PLS1: variants seen among roughly 807,000 people sequenced by gnomAD.
PLS1 encodes the protein plastin 1.
Under a neutral mutation model 73.7 loss-of-function variants are expected in PLS1, and 32 were observed. The observed-to-expected ratio is 0.43, with a 90% CI of 0.33 to 0.58. The LOEUF is 0.58. PLS1 is among the 20% of genes least tolerant of loss of function. The pLI is 0.04. For synonymous variants in PLS1, 217 were observed against 261.3 expected (o/e 0.83, Z 1.63); for missense variants, 633 against 740.5 (o/e 0.85, Z 1.68).
At chr3:142,690,739 G>A (rs892611644) in intron 10 of PLS1, among the ~76,000 whole-genome samples, 1 of 152,094 alleles carries the variant, frequency 6.6e-6, no homozygotes, top group Non-Finnish European at 1.5e-5. Context: ...GAACCTCATT[G>A]AAGCTTACAG....
chr3:142,626,857 C>G (rs2108573623), intron 1 of PLS1, among the ~76,000 whole-genome samples: 1 of 152,260 alleles, frequency 6.6e-6, no homozygotes, highest in South Asian at 2.1e-4. Context: ...ATCTGTTAAT[C>G]CACTCAACCA....
chr3:142,626,249 G>A (rs900813278), intron 1 of PLS1, among the ~76,000 whole-genome samples: 2 of 152,102 alleles, frequency 1.3e-5, no homozygotes, highest in African/African-American at 4.8e-5. Context: ...ATCAGGAAGC[G>A]AGCATCTTAG....
intron 9 of PLS1, among the ~76,000 whole-genome samples, chr3:142,688,424 A>C (rs1029414554): frequency 6.6e-6 from 1 of 152,056 alleles, no homozygotes; most frequent in Non-Finnish European, 1.5e-5. Context: ...CCCATTTTTA[A>C]ATTTATTTTT....
Position 142,603,714 on chromosome 3 carries a change from G to T in PLS1, c.-37+7205G>T, listed in dbSNP as rs116764487. On this transcript the variant is annotated intron_variant, in intron 1 of 15. Transcript: ENST00000457734. ...GAGCCCAGGAGATTGAGGCTGCAGT[G>T]ACCTGAGATTGTGCCACTGCACTTT... is the stretch of plus-strand genomic sequence containing the variant. Among the ~76,000 whole-genome samples, 1,143 of 151,416 alleles carry T rather than the reference G, an allele frequency of 7.5e-3. 17 individuals are homozygous for T. Among genetic ancestry groups the T allele is most frequent in the African/African-American group, 0.026 (1,081 of 41,264 alleles).
intron 1 of PLS1, among the ~76,000 whole-genome samples, chr3:142,607,348 C>T (rs951731070): frequency 1.3e-5 from 2 of 152,128 alleles, no homozygotes; most frequent in Non-Finnish European, 2.9e-5. Flanking sequence ...GGTGCGATCT[C>T]GGCTCACTGC....
chr3:142,620,008 T>C (rs1034844803), intron 1 of PLS1, among the ~76,000 whole-genome samples: 30 of 152,334 alleles, frequency 2.0e-4, no homozygotes, highest in African/African-American at 6.5e-4. Flanking sequence ...ATCAGCACCC[T>C]ATCGAGAAAC....
intron 2 of PLS1, among the ~76,000 whole-genome samples, chr3:142,666,313 C>G (rs1291980637): frequency 6.6e-6 from 1 of 152,128 alleles, no homozygotes; most frequent in Non-Finnish European, 1.5e-5. Flanking sequence ...ACAATAACTC[C>G]CAAGCCCCAG....
chr3:142,617,145 G>GGTT lies in PLS1; in HGVS notation c.-37+20636_-37+20637insGTT, dbSNP rs372954619. Among the ~76,000 whole-genome samples the GGTT allele has an allele frequency of 4.0e-3, 570 of 142,346 alleles. 1 individual carries two copies. Among genetic ancestry groups the GGTT allele is most frequent in the Non-Finnish European group, 5.7e-3 (382 of 67,100 alleles). The allele number at this position is 142,346 out of a possible 152,430, so 93.4% of individuals were successfully genotyped here. A position where few individuals can be genotyped will look rare whatever the true frequency, so the allele number is the denominator to read the frequency against. On this transcript the variant is annotated intron_variant, in intron 1 of 15. Transcript: ENST00000457734. ...ATTTCTAAAATGTTGTGATTAGGAA[G>GGTT]ATTTTTTTTTTTTTTTGCTTTAGCC...
intron 1 of PLS1, among the ~76,000 whole-genome samples, chr3:142,660,488 T>C (rs1379827316): frequency 6.6e-6 from 1 of 152,202 alleles, no homozygotes; most frequent in African/African-American, 2.4e-5. Context: ...CAAAACTTTC[T>C]GACAACGTGG....
chr3:142,676,481 C>G (rs1267414669), intron 5 of PLS1, among the ~76,000 whole-genome samples, 192 bp downstream of exon 5: 1 of 152,172 alleles, frequency 6.6e-6, no homozygotes, highest in African/African-American at 2.4e-5. Flanking sequence ...CCTTCAAATA[C>G]AATCCCTTGT....
intron 1 of PLS1, among the ~76,000 whole-genome samples, chr3:142,630,319 G>C (rs2036527739): frequency 6.6e-6 from 1 of 151,698 alleles, no homozygotes; most frequent in South Asian, 2.1e-4. Flanking sequence ...TGCTCAGGGG[G>C]CTGAGGCGGG....
At chr3:142,675,960 C>T (rs983397807) in intron 4 of PLS1, among the ~76,000 whole-genome samples, 197 bp from the exon 5 acceptor site, 2 of 152,232 alleles carry the variant, frequency 1.3e-5, no homozygotes, top group African/African-American at 4.8e-5. Flanking sequence ...GGATTACAGG[C>T]GTGAGCCACC....
chr3:142,705,189 A>T (rs555869137), intron 14 of PLS1, among the ~76,000 whole-genome samples: 1 of 152,048 alleles, frequency 6.6e-6, no homozygotes, highest in South Asian at 2.1e-4. Context: ...GAATAGAGCT[A>T]AAAAAAATCC....
rs1933187611 is a variant in PLS1 at position 142,712,524 on chromosome 3, T to A, written c.*517T>A. On this transcript the variant is annotated 3_prime_UTR_variant, in exon 16 of 16. Transcript: ENST00000457734. ...ACCTTATGGTGACCAGAATTGTTTA[T>A]TAATATCAAACTTTTTTATATATGA... is the stretch of plus-strand genomic sequence containing the variant. The A allele has an allele frequency of 6.6e-6, 1 of 152,596 alleles. No homozygotes were observed. Among genetic ancestry groups the A allele is most frequent in the Non-Finnish European group, 1.5e-5 (1 of 68,026 alleles). The allele number at this position is 152,596 out of a possible 1,614,324, so 9.5% of individuals were successfully genotyped here. A position where few individuals can be genotyped will look rare whatever the true frequency, so the allele number is the denominator to read the frequency against.
At position 142,697,962 on chromosome 3, in the gene PLS1, A is replaced by G. The variant is rs760950691; in HGVS notation, c.1266A>G (p.Ala422=). The change falls in exon 12 of 16, where the codon GCA becomes GCG. Residue 422 remains alanine, a synonymous_variant. Transcript: ENST00000457734. ...TTCCTTCCTGCTTCAGTGACCTTGC[A>G]GATGCTTTAGTGATCTTTCAGCTCT... ...PYINHLYSDL[A]DALVIFQLYE... The G allele has an allele frequency of 6.2e-6, 10 of 1,607,724 alleles. No homozygotes were observed. The African/African-American group carries it at 1.3e-4, about 22-fold the overall frequency.
At chr3:142,694,586 C>T in intron 11 of PLS1, 39 bp downstream of exon 11, 2 of 1,232,410 alleles carry the variant, frequency 1.6e-6, no homozygotes, top group South Asian at 1.3e-5. Context: ...CTGTCAGGGT[C>T]CAACTTTTCA....
intron 1 of PLS1, among the ~76,000 whole-genome samples, chr3:142,604,876 A>G (rs2108538289): frequency 6.6e-6 from 1 of 151,842 alleles, no homozygotes; most frequent in East Asian, 1.9e-4. Flanking sequence ...CAGAGCTTGC[A>G]GTGAGCTGAG....
At chr3:142,708,537 C>G (rs998733223) in intron 14 of PLS1, among the ~76,000 whole-genome samples, 9 of 152,170 alleles carry the variant, frequency 5.9e-5, no homozygotes, top group African/African-American at 2.2e-4. Context: ...TGAGCCACCA[C>G]GCCCGGCCTT....
At chr3:142,642,872 G>A (rs1024979423) in intron 1 of PLS1, among the ~76,000 whole-genome samples, 1 of 152,108 alleles carries the variant, frequency 6.6e-6, no homozygotes, top group African/African-American at 2.4e-5. Context: ...AGTATTTTTT[G>A]TAGAGACAGG....
Sources: allele counts gnomAD v4.1 joint callset (sites outside exome capture counted in the v4.1 genomes callset), GRCh38; gene constraint gnomAD v4.1.1; transcripts MANE v1.5; gene names NCBI Gene and HGNC (gene_info 2026-07-23, HGNC 2026-07-21).